CORO2B: variants seen among roughly 807,000 people sequenced by gnomAD.
The protein encoded by CORO2B is coronin-2B.
Under a neutral mutation model 58.8 loss-of-function variants are expected in CORO2B, and 26 were observed. The ratio of observed to expected loss-of-function variants is 0.44; its 90% CI spans 0.32 to 0.61. CORO2B has a LOEUF of 0.61. Among genes scored for constraint, CORO2B ranks in the 20% least tolerant of loss-of-function variants. The pLI is 0.04. For missense variants in CORO2B, 460 were observed against 645.1 expected (o/e 0.71, Z 3.11); for synonymous variants, 242 against 253.8 (o/e 0.95, Z 0.44).
intron 1 of CORO2B, among the ~76,000 whole-genome samples, chr15:68,597,455 G>A (rs1899861818): frequency 6.6e-6 from 1 of 151,976 alleles, no homozygotes; most frequent in South Asian, 2.1e-4. Flanking sequence ...TGAAACTGAG[G>A]CTCCAAGGGG....
At chr15:68,649,561 C>G (rs929828247) in intron 2 of CORO2B, among the ~76,000 whole-genome samples, 14 of 152,166 alleles carry the variant, frequency 9.2e-5, no homozygotes, top group African/African-American at 3.1e-4. Context: ...TCACTTTCCA[C>G]TCTTGATTAT....
chr15:68,622,012 C>T (rs1020783351), intron 1 of CORO2B, among the ~76,000 whole-genome samples: 1 of 152,124 alleles, frequency 6.6e-6, no homozygotes, highest in African/African-American at 2.4e-5. Context: ...GTGATCCTCC[C>T]ACCCCTAAGT....
chr15:68,716,043 A>C (rs1416675758), intron 8 of CORO2B, among the ~76,000 whole-genome samples: 1 of 152,194 alleles, frequency 6.6e-6, no homozygotes, highest in Non-Finnish European at 1.5e-5. Context: ...TATTATGGAC[A>C]GGGCCTGAGG....
At chr15:68,682,598 CAG>C (rs746838857) in intron 2 of CORO2B, among the ~76,000 whole-genome samples, 6 of 152,134 alleles carry the variant, frequency 3.9e-5, no homozygotes, top group Non-Finnish European at 7.4e-5. Flanking sequence ...AGGCAGGACT[CAG>C]TGAGCGATTG....
At chr15:68,703,880 G>A (rs16952435) in intron 3 of CORO2B, among the ~76,000 whole-genome samples, 4,792 of 151,892 alleles carry the variant, frequency 0.032, 229 homozygotes, top group African/African-American at 0.11. Flanking sequence ...ACTACACAGC[G>A]GGCAACAAAG....
chr15:68,572,081 C>G, the CORO2B span, among the ~76,000 whole-genome samples: 3 of 152,212 alleles, frequency 2.0e-5, no homozygotes, highest in Non-Finnish European at 4.4e-5. Context: ...TGGGAAGGGG[C>G]TGTGGGCTGT....
the CORO2B span, among the ~76,000 whole-genome samples, chr15:68,565,338 C>CAT: frequency 2.0e-5 from 3 of 150,932 alleles, no homozygotes; most frequent in Non-Finnish European, 4.4e-5. Flanking sequence ...TATTGGCATG[C>CAT]ATATATATAT....
the CORO2B span, among the ~76,000 whole-genome samples, chr15:68,525,520 T>C: frequency 6.6e-6 from 1 of 152,158 alleles, no homozygotes; most frequent in Admixed American, 6.5e-5. Flanking sequence ...TTTTGCAGGG[T>C]TTAGTGAAAA....
chr15:68,579,058 A>G lies in CORO2B; in HGVS notation c.-205A>G. ...TTATAAATGCACATTCGGGGCTGAC[A>G]TCAGCGACGAGCGGCGGGCGAGCGC... is the stretch of plus-strand genomic sequence containing the variant. On this transcript the variant is annotated 5_prime_UTR_variant, in exon 1 of 12. Transcript: ENST00000261861. The G allele has an allele frequency of 2.0e-6, 2 of 983,516 alleles. No homozygotes were observed. The highest frequency in any genetic ancestry group is 2.4e-6 in the Non-Finnish European group (2 of 829,410). 60.9% of individuals were successfully genotyped at this position (983,516 alleles called of 1,614,324 possible).
chr15:68,613,813 C>T (rs1359767496), intron 1 of CORO2B, among the ~76,000 whole-genome samples: 1 of 152,216 alleles, frequency 6.6e-6, no homozygotes, highest in African/African-American at 2.4e-5. Flanking sequence ...GCTGAAACTC[C>T]TGAAAGTCTT....
chr15:68,706,111 G>C (rs1425786168), intron 3 of CORO2B, among the ~76,000 whole-genome samples: 1 of 152,138 alleles, frequency 6.6e-6, no homozygotes, highest in African/African-American at 2.4e-5. Context: ...TCAGTGACGA[G>C]ATATGACACA....
chr15:68,670,486 A>C (rs541999606), intron 2 of CORO2B, among the ~76,000 whole-genome samples: 1 of 152,280 alleles, frequency 6.6e-6, no homozygotes, highest in African/African-American at 2.4e-5. Context: ...AGCCAGCAAA[A>C]ATATTTAGAA....
the CORO2B span, among the ~76,000 whole-genome samples, chr15:68,529,604 G>A: frequency 1.5e-5 from 1 of 65,668 alleles, no homozygotes; most frequent in Non-Finnish European, 3.4e-5. Context: ...TAGCACTCAT[G>A]CTCACTCTCT....
chr15:68,628,042 C>T (rs1213872172), intron 1 of CORO2B, among the ~76,000 whole-genome samples: 1 of 152,196 alleles, frequency 6.6e-6, no homozygotes, highest in Non-Finnish European at 1.5e-5. Context: ...CCCAAACCAG[C>T]AACATCAGTG....
At chr15:68,709,831 A>G (rs369097056) in intron 3 of CORO2B, among the ~76,000 whole-genome samples, 1 of 152,082 alleles carries the variant, frequency 6.6e-6, no homozygotes, top group African/African-American at 2.4e-5. Context: ...AAACTGTTAT[A>G]CCATTGTGTC....
intron 1 of CORO2B, among the ~76,000 whole-genome samples, chr15:68,599,173 G>C (rs1181611857): frequency 6.6e-6 from 1 of 152,192 alleles, no homozygotes; most frequent in African/African-American, 2.4e-5. Context: ...TGAAAAGTCT[G>C]ATTCCTGCTT....
chr15:68,671,702 T>C (rs1282729057), intron 2 of CORO2B, among the ~76,000 whole-genome samples: 1 of 152,184 alleles, frequency 6.6e-6, no homozygotes, highest in Non-Finnish European at 1.5e-5. Context: ...CCTCAGTCCC[T>C]CACACCTGGT....
intron 2 of CORO2B, among the ~76,000 whole-genome samples, chr15:68,646,781 T>C (rs1048683344): frequency 6.6e-6 from 1 of 152,212 alleles, no homozygotes; most frequent in South Asian, 2.1e-4. Flanking sequence ...CCACACAACA[T>C]GTTAAGGATG....
At chr15:68,721,877 A>G (rs8034916) in intron 11 of CORO2B, among the ~76,000 whole-genome samples, 132,264 of 151,882 alleles carry the variant, frequency 0.87, 59,031 homozygotes, top group Non-Finnish European at 0.96. Flanking sequence ...ACTTCTGAGT[A>G]GCTGGAACTA....
Sources: allele counts gnomAD v4.1 joint callset (sites outside exome capture counted in the v4.1 genomes callset), GRCh38; gene constraint gnomAD v4.1.1; transcripts MANE v1.5; gene names NCBI Gene and HGNC (gene_info 2026-07-23, HGNC 2026-07-21).